The following SKIC3 variants were observed in gnomAD, a reference collection of about 807,000 sequenced individuals.
SKIC3 encodes the protein SKI3 subunit of superkiller complex.
chr5:95,465,070 G>A, the SKIC3 span, among the ~76,000 whole-genome samples: 1 of 151,604 alleles, frequency 6.6e-6, no homozygotes, highest in Non-Finnish European at 1.5e-5. Flanking sequence ...TGGGATTACA[G>A]GCGCCCACCA....
chr5:95,473,473 G>T, the SKIC3 span, among the ~76,000 whole-genome samples: 3 of 152,090 alleles, frequency 2.0e-5, no homozygotes, highest in Non-Finnish European at 4.4e-5. Context: ...ATGGGATTTT[G>T]CCAAGTTGTC....
the SKIC3 span, among the ~76,000 whole-genome samples, chr5:95,487,273 C>T: frequency 1.1e-4 from 17 of 152,114 alleles, no homozygotes; most frequent in Non-Finnish European, 2.2e-4. Context: ...CCTTGTGATC[C>T]TGTAAGTTAA....
the SKIC3 span, among the ~76,000 whole-genome samples, chr5:95,485,121 C>T: frequency 1.3e-5 from 2 of 152,156 alleles, no homozygotes; most frequent in Admixed American, 6.5e-5. Context: ...TAAAGATTTA[C>T]TATGATATAA....
the SKIC3 span, among the ~76,000 whole-genome samples, chr5:95,484,313 C>T: frequency 6.6e-6 from 1 of 151,040 alleles, no homozygotes; most frequent in East Asian, 1.9e-4. Context: ...ACCACCACTA[C>T]CTGCTCTTTA....
chr5:95,485,803 G>C, the SKIC3 span, among the ~76,000 whole-genome samples: 1 of 152,146 alleles, frequency 6.6e-6, no homozygotes, highest in East Asian at 1.9e-4. Context: ...GAACCAAATA[G>C]CAAGTAGATA....
chr5:95,464,518 A>T, the SKIC3 span: 51,599 of 1,029,680 alleles, frequency 0.05, 1,807 homozygotes, highest in East Asian at 0.13. Flanking sequence ...AATATAGTTT[A>T]AAAAAATGTT....
chr5:95,481,346 C>A, the SKIC3 span, among the ~76,000 whole-genome samples: 2 of 152,064 alleles, frequency 1.3e-5, no homozygotes, highest in Non-Finnish European at 2.9e-5. Flanking sequence ...AGTTTCCCTG[C>A]ACAAGCTCTC....
chr5:95,535,796 T>G, the SKIC3 span, among the ~76,000 whole-genome samples: 1 of 152,188 alleles, frequency 6.6e-6, no homozygotes, highest in African/African-American at 2.4e-5. Flanking sequence ...GTGAGGGTCA[T>G]TCACATACAA....
the SKIC3 span, among the ~76,000 whole-genome samples, chr5:95,504,671 A>G: frequency 1.3e-3 from 194 of 152,218 alleles, no homozygotes; most frequent in African/African-American, 4.6e-3. Flanking sequence ...AGATACACTA[A>G]AATTCCACAA....
the SKIC3 span, among the ~76,000 whole-genome samples, chr5:95,505,735 C>T: frequency 1.2e-4 from 18 of 151,984 alleles, no homozygotes; most frequent in East Asian, 2.3e-3. Context: ...ATCTCTTGAA[C>T]CCCAGAGGTG....
chr5:95,498,786 C>T, the SKIC3 span, among the ~76,000 whole-genome samples: 2 of 151,992 alleles, frequency 1.3e-5, no homozygotes, highest in Non-Finnish European at 2.9e-5. Flanking sequence ...CCATCAGGCC[C>T]GGCTAAATTT....
chr5:95,491,152 AT>A, the SKIC3 span: 1 of 1,428,694 alleles, frequency 7.0e-7, no homozygotes, highest in Non-Finnish European at 9.5e-7. Flanking sequence ...CTAAAAAAAA[AT>A]TTCACTTTCT....
chr5:95,535,307 ATTT>A, the SKIC3 span, among the ~76,000 whole-genome samples: 5 of 91,802 alleles, frequency 5.4e-5, no homozygotes, highest in African/African-American at 1.7e-4. Flanking sequence ...GGTAACAGCA[ATTT>A]TTTTTTTTTT....
chr5:95,539,117 C>T, the SKIC3 span, among the ~76,000 whole-genome samples: 2 of 152,272 alleles, frequency 1.3e-5, no homozygotes, highest in East Asian at 3.9e-4. Context: ...TAAAATTGTA[C>T]ATTTACAAAA....
the SKIC3 span, among the ~76,000 whole-genome samples, chr5:95,532,470 T>A: frequency 6.6e-6 from 1 of 152,048 alleles, no homozygotes; most frequent in Non-Finnish European, 1.5e-5. Flanking sequence ...CTAGCAACAG[T>A]AATAACAACA....
chr5:95,526,812 C>A, the SKIC3 span, among the ~76,000 whole-genome samples: 3 of 152,098 alleles, frequency 2.0e-5, no homozygotes, highest in Non-Finnish European at 4.4e-5. Flanking sequence ...ATGCCTAGAT[C>A]TATTAATTCA....
chr5:95,540,542 A>G, the SKIC3 span: 1 of 960,204 alleles, frequency 1.0e-6, no homozygotes, highest in Admixed American at 2.3e-5. Context: ...AAGAAAATAT[A>G]CAGGTGCAAA....
the SKIC3 span, chr5:95,513,313 C>T: frequency 2.3e-6 from 1 of 429,956 alleles, no homozygotes; most frequent in Non-Finnish European, 4.3e-6. Flanking sequence ...ACTCAATCCT[C>T]CTGCCTCAGC....
At chr5:95,495,813 A>T in the SKIC3 span, among the ~76,000 whole-genome samples, 1 of 152,192 alleles carries the variant, frequency 6.6e-6, no homozygotes, top group Non-Finnish European at 1.5e-5. Context: ...GCATTTTCAC[A>T]AGATGACCAG....
Sources: gnomAD v4.1 joint callset for allele counts (sites outside exome capture counted in the v4.1 genomes callset) on GRCh38, gnomAD v4.1.1 for gene constraint, MANE v1.5 for transcripts, NCBI Gene and HGNC (gene_info 2026-07-23, HGNC 2026-07-21) for gene names.